Variants in PAX3 observed in about 807,000 individuals in gnomAD.
PAX3 encodes the protein paired box 3.
PAX3 carries 14 observed loss-of-function variants against 51.6 expected under a neutral mutation model. The ratio of observed to expected loss-of-function variants is 0.27; its 90% CI spans 0.18 to 0.42. The LOEUF is 0.42. Among genes scored for constraint, PAX3 ranks in the 10% least tolerant of loss-of-function variants. The pLI is 1.00. For synonymous variants in PAX3, 280 were observed against 253.4 expected (o/e 1.11, Z -1.00); for missense variants, 540 against 642.8 (o/e 0.84, Z 1.73).
At chr2:222,293,643 C>G in intron 4 of PAX3, 3 of 1,614,036 alleles carry the variant, frequency 1.9e-6, no homozygotes, top group East Asian at 4.5e-5. Flanking sequence ...AGTCAACACA[C>G]AGACATATTT....
intron 4 of PAX3, among the ~76,000 whole-genome samples, chr2:222,287,863 AAATAAAAC>A (rs1226302916): frequency 6.6e-6 from 1 of 152,246 alleles, no homozygotes; most frequent in Non-Finnish European, 1.5e-5. Flanking sequence ...CAAGAGTAAA[AAATAAAAC>A]AATAAAGCCT....
At chr2:222,217,950 G>A (rs948360031) in intron 7 of PAX3, among the ~76,000 whole-genome samples, 1 of 152,120 alleles carries the variant, frequency 6.6e-6, no homozygotes, top group Admixed American at 6.6e-5. Flanking sequence ...ATACTGATTT[G>A]CTCATTGTCC....
chr2:222,289,991 G>A (rs1247902560), intron 4 of PAX3, among the ~76,000 whole-genome samples: 2 of 152,154 alleles, frequency 1.3e-5, no homozygotes, highest in Non-Finnish European at 2.9e-5. Flanking sequence ...AGGATCCGAT[G>A]CCATAAACCT....
In PAX3 at chr2:222,210,282, C is replaced by T. The variant is rs189740075; in HGVS notation, c.1174-8092G>A. On this transcript the variant is annotated intron_variant, in intron 7 of 8. Coordinates refer to ENST00000392070, the MANE Select transcript of PAX3 (RefSeq NM_181458.4). ...GCTCCTCAATTGATAAACTCAAAATCACTTAGATTGTCCCTTATGTTCCAA... is the reference window on the plus strand; with the variant it reads ...GCTCCTCAATTGATAAACTCAAAATTACTTAGATTGTCCCTTATGTTCCAA... Among the ~76,000 whole-genome samples, 62 of 152,266 alleles carry T rather than the reference C, an allele frequency of 4.1e-4. 1 individual carries two copies. Among genetic ancestry groups the T allele is most frequent in the Admixed American group, 3.0e-3 (46 of 15,284 alleles).
chr2:222,294,768 AC>A (rs1242600060), intron 3 of PAX3, among the ~76,000 whole-genome samples: 2 of 30,700 alleles, frequency 6.5e-5, no homozygotes, highest in East Asian at 1.5e-3. Context: ...GCCCCCCCCC[AC>A]CCCCCCGTAA....
intron 4 of PAX3, among the ~76,000 whole-genome samples, chr2:222,275,331 T>G (rs1694380993): frequency 6.6e-6 from 1 of 152,184 alleles, no homozygotes; most frequent in South Asian, 2.1e-4. Flanking sequence ...ACAAACCTAT[T>G]TAAGATAAAC....
chr2:222,203,420 T>C (rs1691384731), intron 7 of PAX3, among the ~76,000 whole-genome samples: 1 of 152,006 alleles, frequency 6.6e-6, no homozygotes, highest in Non-Finnish European at 1.5e-5. Flanking sequence ...AAATGCAGTA[T>C]CCAACAATTC....
At chr2:222,212,087 T>C (rs1312043551) in intron 7 of PAX3, among the ~76,000 whole-genome samples, 1 of 152,070 alleles carries the variant, frequency 6.6e-6, no homozygotes, top group East Asian at 1.9e-4. Context: ...AATATAATAA[T>C]GTGGCATCAA....
At chr2:222,291,133 C>A (rs1695020203) in intron 4 of PAX3, among the ~76,000 whole-genome samples, 1 of 152,172 alleles carries the variant, frequency 6.6e-6, no homozygotes, top group Non-Finnish European at 1.5e-5. Context: ...GCCCGCGGGC[C>A]CGCTAGGCCG....
intron 3 of PAX3, among the ~76,000 whole-genome samples, chr2:222,294,838 GT>G (rs1695208187): frequency 7.6e-6 from 1 of 131,884 alleles, no homozygotes; most frequent in African/African-American, 2.9e-5. Context: ...GCTATAAAGG[GT>G]TTAAATTTCA....
At chr2:222,295,145 G>A (rs1408067267) in intron 3 of PAX3, among the ~76,000 whole-genome samples, 3 of 152,042 alleles carry the variant, frequency 2.0e-5, no homozygotes, top group South Asian at 4.1e-4. Context: ...ACGGCTTTGC[G>A]CACACGGCAA....
At chr2:222,203,996 A>G (rs1691408375) in intron 7 of PAX3, among the ~76,000 whole-genome samples, 1 of 152,236 alleles carries the variant, frequency 6.6e-6, no homozygotes, top group African/African-American at 2.4e-5. Flanking sequence ...GGGCAAAGCA[A>G]CACAGCAAAG....
At chr2:222,259,972 T>C (rs934287680) in intron 4 of PAX3, among the ~76,000 whole-genome samples, 3 of 151,504 alleles carry the variant, frequency 2.0e-5, no homozygotes, top group Admixed American at 6.6e-5. Flanking sequence ...ATCCTCAAAC[T>C]CCTGGGCTCA....
chr2:222,245,908 G>A (rs1280792025), intron 4 of PAX3, among the ~76,000 whole-genome samples: 2 of 152,136 alleles, frequency 1.3e-5, no homozygotes, highest in Non-Finnish European at 2.9e-5. Context: ...TTGCACTCTG[G>A]AGGCAGAGGT....
intron 7 of PAX3, among the ~76,000 whole-genome samples, chr2:222,217,229 C>G (rs909185841): frequency 3.3e-5 from 5 of 151,992 alleles, no homozygotes; most frequent in African/African-American, 1.2e-4. Context: ...AATGAACATC[C>G]AATGCTTTTA....
chr2:222,298,793 G>T lies in PAX3; in HGVS notation c.-178C>A, dbSNP rs1695451749. On this transcript the variant is annotated 5_prime_UTR_variant, in exon 1 of 9. Transcript: ENST00000392070. ...GTCGGTTCCTAGTCCAGAGGCCGGA[G>T]CTGGAACCCGGGAAAGGGGAGGACG... The T allele has an allele frequency of 6.1e-6, 4 of 650,506 alleles. No individual in the cohort carries two copies. Among genetic ancestry groups the T allele is most frequent in the Non-Finnish European group, 5.5e-6 (2 of 365,566 alleles). The allele number at this position is 650,506 out of a possible 1,614,324, so 40.3% of individuals were successfully genotyped here.
chr2:222,214,083 C>G (rs1691857618), intron 7 of PAX3, among the ~76,000 whole-genome samples: 2 of 152,266 alleles, frequency 1.3e-5, no homozygotes, highest in East Asian at 1.9e-4. Context: ...GTCCTTACCC[C>G]CTGGATGAGC....
chr2:222,278,530 T>C (rs1201638849), intron 4 of PAX3, among the ~76,000 whole-genome samples: 2 of 152,162 alleles, frequency 1.3e-5, no homozygotes, highest in African/African-American at 4.8e-5. Flanking sequence ...TCCTTCTGCT[T>C]TTTGCCAGGG....
At chr2:222,209,498 CTT>C (rs961159599) in intron 7 of PAX3, among the ~76,000 whole-genome samples, 1 of 151,864 alleles carries the variant, frequency 6.6e-6, no homozygotes. Flanking sequence ...TGAACATACT[CTT>C]TAGAAAACAC....
Sources: gnomAD v4.1 joint callset for allele counts (sites outside exome capture counted in the v4.1 genomes callset) on GRCh38, gnomAD v4.1.1 for gene constraint, MANE v1.5 for transcripts, NCBI Gene and HGNC (gene_info 2026-07-23, HGNC 2026-07-21) for gene names.